CATSPERB: variants seen among roughly 807,000 people sequenced by gnomAD.
CATSPERB encodes the protein cation channel sperm-associated auxiliary subunit beta.
In CATSPERB, 93 loss-of-function variants were observed where a neutral mutation model predicts 128.3. The ratio of observed to expected loss-of-function variants is 0.72; its 90% CI spans 0.61 to 0.86. CATSPERB has a LOEUF of 0.86. Among genes scored for constraint, CATSPERB ranks in the 40% least tolerant of loss-of-function variants. The pLI is 0.00. For synonymous variants in CATSPERB, 381 were observed against 448.8 expected, an observed-to-expected ratio of 0.85 and a Z score of 1.91; for missense variants, 1,153 against 1,329.5, an observed-to-expected ratio of 0.87 and a Z score of 2.06.
At chr14:91,606,664 T>C (rs1893710900) in intron 22 of CATSPERB, among the ~76,000 whole-genome samples, 1 of 152,250 alleles carries the variant, frequency 6.6e-6, no homozygotes, top group African/African-American at 2.4e-5. Context: ...ATTTAATTTG[T>C]ATGTCTTTTT....
intron 4 of CATSPERB, among the ~76,000 whole-genome samples, chr14:91,721,758 G>A (rs904853817): frequency 1.3e-5 from 2 of 151,700 alleles, no homozygotes; most frequent in African/African-American, 4.8e-5. Context: ...GCTGAGGCAG[G>A]AGAATGGCGT....
At chr14:91,599,132 A>T (rs534713000) in intron 22 of CATSPERB, among the ~76,000 whole-genome samples, 58 of 152,252 alleles carry the variant, frequency 3.8e-4, no homozygotes, top group Non-Finnish European at 7.1e-4. Flanking sequence ...TTTGATCCAT[A>T]AAGTTAGCTC....
intron 5 of CATSPERB, among the ~76,000 whole-genome samples, 170 bp downstream of exon 5, chr14:91,719,248 A>G (rs924335189): frequency 3.3e-5 from 5 of 152,218 alleles, no homozygotes; most frequent in Non-Finnish European, 7.4e-5. Context: ...TCCCAGTTAA[A>G]TTTAAAATTC....
At chr14:91,698,054 G>A (rs1895591562) in intron 7 of CATSPERB, among the ~76,000 whole-genome samples, 2 of 152,006 alleles carry the variant, frequency 1.3e-5, no homozygotes, top group Non-Finnish European at 2.9e-5. Context: ...TGATTTATTT[G>A]AGCAGTGTTT....
At chr14:91,640,330 G>A (rs1380837510) in intron 15 of CATSPERB, among the ~76,000 whole-genome samples, 1 of 147,952 alleles carries the variant, frequency 6.8e-6, no homozygotes, top group Non-Finnish European at 1.5e-5. Context: ...TGCCATGCTG[G>A]TGCACTGCAC....
chr14:91,695,484 T>C (rs567288462), intron 7 of CATSPERB, among the ~76,000 whole-genome samples: 50 of 152,314 alleles, frequency 3.3e-4, no homozygotes, highest in Admixed American at 1.2e-3. Context: ...TGCTATCACA[T>C]GACCAGATTC....
rs1391444496 is a variant in CATSPERB at position 91,603,559 on chromosome 14, G to A, written c.2709+4735C>T. 1.7e-5 allele frequency: 12 copies of A among 701,254 alleles called. No individual in the cohort carries two copies. In the Admixed American group the frequency reaches 2.7e-4, roughly 16 times the overall value. The allele number at this position is 701,254 out of a possible 1,614,324, so 43.4% of individuals were successfully genotyped here. A position where few individuals can be genotyped will look rare whatever the true frequency, so the allele number is the denominator to read the frequency against. On this transcript the variant is annotated intron_variant, in intron 22 of 26. Coordinates refer to ENST00000256343, the MANE Select transcript of CATSPERB (RefSeq NM_024764.4). ...GCAGGCAGAGGACCCCACCGCTCTA[G>A]AGCCTGAGAAGCGCGCACTGCCCTC... is the stretch of plus-strand genomic sequence containing the variant.
chr14:91,665,506 C>T (rs1048096404), intron 14 of CATSPERB, among the ~76,000 whole-genome samples: 5 of 152,164 alleles, frequency 3.3e-5, no homozygotes, highest in Non-Finnish European at 7.3e-5. Flanking sequence ...CTGGACACCA[C>T]CAAATGCAAA....
At chr14:91,640,384 T>TCCCCCCC (rs1566715007) in intron 15 of CATSPERB, among the ~76,000 whole-genome samples, 7 of 70,874 alleles carry the variant, frequency 9.9e-5, no homozygotes, top group South Asian at 5.1e-4. Context: ...CCCAATGCTA[T>TCCCCCCC]CCCTCCCCCC....
chr14:91,624,555 C>T (rs1317380231), intron 18 of CATSPERB, among the ~76,000 whole-genome samples: 1 of 151,772 alleles, frequency 6.6e-6, no homozygotes, highest in Non-Finnish European at 1.5e-5. Flanking sequence ...GCAGGAGAAT[C>T]GCTTGAACCT....
At chr14:91,637,237 C>T (rs960694785) in intron 16 of CATSPERB, among the ~76,000 whole-genome samples, 9 of 152,142 alleles carry the variant, frequency 5.9e-5, no homozygotes, top group Non-Finnish European at 1.0e-4. Flanking sequence ...TGCTATGAGA[C>T]AAGGTGTGGG....
At chr14:91,660,112 T>TCACACA in intron 14 of CATSPERB, 131 bp from the exon 15 acceptor site, 1 of 581,848 alleles carries the variant, frequency 1.7e-6, no homozygotes, top group South Asian at 2.3e-5. Context: ...TCTCTCTCTC[T>TCACACA]CTCTCACACA....
chr14:91,730,945 G>A (rs142218023), intron 1 of CATSPERB, among the ~76,000 whole-genome samples: 1 of 152,252 alleles, frequency 6.6e-6, no homozygotes, highest in East Asian at 1.9e-4. Flanking sequence ...AAGGTAAGAG[G>A]AAACAAATGG....
At chr14:91,633,518 C>T (rs749181445) in intron 17 of CATSPERB, among the ~76,000 whole-genome samples, 31 of 152,010 alleles carry the variant, frequency 2.0e-4, no homozygotes, top group Admixed American at 9.2e-4. Flanking sequence ...GGTAAACTTC[C>T]TACATGAACA....
At chr14:91,653,703 T>C (rs1187769479) in intron 15 of CATSPERB, among the ~76,000 whole-genome samples, 1 of 152,184 alleles carries the variant, frequency 6.6e-6, no homozygotes, top group Admixed American at 6.5e-5. Context: ...CCCCATGATT[T>C]GATTACCTCC....
intron 15 of CATSPERB, among the ~76,000 whole-genome samples, chr14:91,652,361 C>T (rs1894716951): frequency 6.6e-6 from 1 of 152,010 alleles, no homozygotes; most frequent in Non-Finnish European, 1.5e-5. Flanking sequence ...ACTAAATCTT[C>T]AGTGAAATAC....
chr14:91,601,058 TG>T (rs1419798014), intron 22 of CATSPERB, among the ~76,000 whole-genome samples: 1 of 152,258 alleles, frequency 6.6e-6, no homozygotes, highest in African/African-American at 2.4e-5. Context: ...AATTATCAGC[TG>T]CAAATGACAA....
intron 9 of CATSPERB, among the ~76,000 whole-genome samples, chr14:91,692,312 C>A (rs2073329496): frequency 6.6e-6 from 1 of 152,086 alleles, no homozygotes; most frequent in Non-Finnish European, 1.5e-5. Context: ...CCAGAGCAGT[C>A]CAGAGGTCAG....
At chr14:91,717,449 A>T (rs936139286) in intron 5 of CATSPERB, among the ~76,000 whole-genome samples, 2 of 152,186 alleles carry the variant, frequency 1.3e-5, no homozygotes, top group South Asian at 2.1e-4. Context: ...TGTAGTTCAC[A>T]CTTCAAACTG....
Sources: allele counts gnomAD v4.1 joint callset (sites outside exome capture counted in the v4.1 genomes callset), GRCh38; gene constraint gnomAD v4.1.1; transcripts MANE v1.5; gene names NCBI Gene and HGNC (gene_info 2026-07-23, HGNC 2026-07-21).